Variants in NRXN3 observed in about 807,000 individuals in gnomAD.
NRXN3 encodes neurexin III.
NRXN3 carries 32 observed loss-of-function variants against 137.6 expected under a neutral mutation model. The observed-to-expected ratio is 0.23, with a 90% confidence interval of 0.18 to 0.31. The LOEUF (loss-of-function observed/expected upper bound fraction) is 0.31. Among genes scored for constraint, NRXN3 ranks in the 10% least tolerant of loss-of-function variants. The pLI is 1.00. For missense variants in NRXN3, 1,574 were observed against 2,062.5 expected (o/e 0.76, Z 4.59); for synonymous variants, 798 against 784.5 (o/e 1.02, Z -0.29).
chr14:78,700,856 C>G (rs1218024422), intron 6 of NRXN3, among the ~76,000 whole-genome samples: 1 of 152,068 alleles, frequency 6.6e-6, no homozygotes, highest in Non-Finnish European at 1.5e-5. Flanking sequence ...GGCACAATCT[C>G]TGCCACCTGG....
intron 15 of NRXN3, among the ~76,000 whole-genome samples, chr14:79,439,089 C>T (rs1223665461): frequency 2.6e-5 from 4 of 152,218 alleles, no homozygotes; most frequent in African/African-American, 9.6e-5. Context: ...TGTGAAACCT[C>T]AGATTTGATT....
chr14:79,314,597 C>T (rs1004274424), intron 15 of NRXN3, among the ~76,000 whole-genome samples: 2 of 65,532 alleles, frequency 3.1e-5, no homozygotes, highest in Admixed American at 2.0e-4. Flanking sequence ...TCTGTAGGCT[C>T]CACCTCTGGG....
chr14:78,278,778 A>G, intron 3 of NRXN3, 116 bp downstream of exon 3: 1 of 816,104 alleles, frequency 1.2e-6, no homozygotes, highest in South Asian at 1.5e-5. Context: ...TTGCATTTTC[A>G]CTGATCTAGG....
At chr14:78,533,612 G>A (rs974711459) in intron 4 of NRXN3, among the ~76,000 whole-genome samples, 3 of 152,120 alleles carry the variant, frequency 2.0e-5, no homozygotes, top group African/African-American at 7.2e-5. Flanking sequence ...TATTTGATAC[G>A]CTGTTTCTCA....
chr14:79,737,877 A>G (rs1002312967), intron 19 of NRXN3, among the ~76,000 whole-genome samples: 6 of 152,104 alleles, frequency 3.9e-5, no homozygotes, highest in Non-Finnish European at 7.4e-5. Flanking sequence ...GTGTTCTTAC[A>G]AAAGTATTCT....
Position 78,493,079 on chromosome 14 carries a change from T to C in NRXN3, c.758-152041T>C, listed in dbSNP as rs1307211972. On this transcript the variant is annotated intron_variant, in intron 4 of 20. Transcript: ENST00000335750. ...AATGCTTCCAGATCCAAAGGATGCC[T>C]CGAAAGTGACCAGGAATTGCTACAG... 2.0e-5 allele frequency among the ~76,000 whole-genome samples: 3 copies of C among 152,188 alleles called. No individual in the cohort carries two copies. The East Asian group carries it at 5.8e-4, about 29-fold the overall frequency.
intron 8 of NRXN3, among the ~76,000 whole-genome samples, chr14:78,742,221 C>G (rs2098579718): frequency 1.3e-5 from 2 of 152,224 alleles, no homozygotes; most frequent in African/African-American, 4.8e-5. Flanking sequence ...TTGGACAGGC[C>G]AAGATGCCAT....
chr14:79,015,397 G>A (rs553677738), intron 15 of NRXN3, among the ~76,000 whole-genome samples: 1 of 152,220 alleles, frequency 6.6e-6, no homozygotes, highest in Non-Finnish European at 1.5e-5. Flanking sequence ...AAAGATGGCA[G>A]TGTGTAAGGC....
chr14:79,769,641 A>C (rs1251581592), intron 19 of NRXN3, among the ~76,000 whole-genome samples: 1 of 152,202 alleles, frequency 6.6e-6, no homozygotes, highest in African/African-American at 2.4e-5. Flanking sequence ...CATGGAAAGG[A>C]ACAACCGATA....
chr14:79,369,170 G>A (rs1332129250), intron 15 of NRXN3, among the ~76,000 whole-genome samples: 1 of 152,108 alleles, frequency 6.6e-6, no homozygotes, highest in African/African-American at 2.4e-5. Flanking sequence ...CTAGGTAGAG[G>A]GTATAATCAA....
At chr14:78,661,254 A>G (rs2097839301) in intron 6 of NRXN3, among the ~76,000 whole-genome samples, 1 of 152,252 alleles carries the variant, frequency 6.6e-6, no homozygotes, top group African/African-American at 2.4e-5. Flanking sequence ...AAAAAGCTAT[A>G]TCATATCAAC....
intron 4 of NRXN3, among the ~76,000 whole-genome samples, chr14:78,422,089 C>G (rs560416230): frequency 6.6e-6 from 1 of 152,072 alleles, no homozygotes; most frequent in Admixed American, 6.5e-5. Flanking sequence ...CCTGGAGGAT[C>G]GGAGAAGTGA....
intron 2 of NRXN3, among the ~76,000 whole-genome samples, chr14:78,270,228 AGT>A (rs2153486304): frequency 6.6e-6 from 1 of 152,256 alleles, no homozygotes; most frequent in Non-Finnish European, 1.5e-5. Context: ...CTGTGTCTAG[AGT>A]GTTTTCCAAC....
At chr14:79,191,441 TA>T (rs2064297839) in intron 15 of NRXN3, among the ~76,000 whole-genome samples, 2 of 152,200 alleles carry the variant, frequency 1.3e-5, no homozygotes, top group Admixed American at 1.3e-4. Flanking sequence ...TGCCCAATTT[TA>T]AAGGTGTCAT....
At chr14:78,773,888 G>A (rs2098736683) in intron 8 of NRXN3, among the ~76,000 whole-genome samples, 2 of 151,980 alleles carry the variant, frequency 1.3e-5, no homozygotes, top group African/African-American at 4.8e-5. Flanking sequence ...TGCAACCTCC[G>A]CCTCCCGGGT....
At chr14:78,630,535 G>C (rs556388791) in intron 4 of NRXN3, among the ~76,000 whole-genome samples, 1 of 151,502 alleles carries the variant, frequency 6.6e-6, no homozygotes. Context: ...TAAATGCACA[G>C]TGCATAAATT....
intron 4 of NRXN3, among the ~76,000 whole-genome samples, chr14:78,338,471 A>C (rs2081754914): frequency 6.6e-6 from 1 of 152,114 alleles, no homozygotes; most frequent in Non-Finnish European, 1.5e-5. Context: ...CTTCCTTATC[A>C]ATGAGCCCTG....
intron 15 of NRXN3, among the ~76,000 whole-genome samples, chr14:79,404,770 TG>T (rs1440784801): frequency 6.6e-6 from 1 of 152,190 alleles, no homozygotes; most frequent in African/African-American, 2.4e-5. Flanking sequence ...CTTTAAAACT[TG>T]TCAAAGTTTA....
chr14:78,603,559 G>A (rs1485719929), intron 4 of NRXN3, among the ~76,000 whole-genome samples: 1 of 152,142 alleles, frequency 6.6e-6, no homozygotes, highest in Admixed American at 6.5e-5. Flanking sequence ...TTTATCACTT[G>A]GCATGTTAAA....
Sources: allele counts gnomAD v4.1 joint callset (sites outside exome capture counted in the v4.1 genomes callset), GRCh38; gene constraint gnomAD v4.1.1; transcripts MANE v1.5; gene names NCBI Gene and HGNC (gene_info 2026-07-23, HGNC 2026-07-21).